ARL15: variants seen among roughly 807,000 people sequenced by gnomAD.
The protein encoded by ARL15 is ARF like GTPase 15.
A neutral mutation model predicts 25.2 loss-of-function variants in ARL15; 19 were observed. That is an observed-to-expected ratio of 0.75 (90% CI 0.53 to 1.10). The LOEUF (loss-of-function observed/expected upper bound fraction) is 1.10, where lower values mean the gene tolerates loss of function less well. Among genes scored for constraint, ARL15 ranks in the 50% least tolerant of loss-of-function variants. The probability of loss-of-function intolerance (pLI) is 0.00; values close to 1 mark genes in which losing one functional copy is unlikely to be tolerated. For synonymous variants in ARL15, 94 were observed against 86.8 expected (o/e 1.08, Z -0.46); for missense variants, 220 against 246.0 (o/e 0.89, Z 0.71).
intron 3 of ARL15, among the ~76,000 whole-genome samples, chr5:54,147,264 A>C (rs1191143082): frequency 6.6e-6 from 1 of 152,158 alleles, no homozygotes; most frequent in Non-Finnish European, 1.5e-5. Flanking sequence ...ATTCAGTATT[A>C]CATATCACAC....
intron 1 of ARL15, among the ~76,000 whole-genome samples, chr5:54,201,755 T>A (rs139737069): frequency 6.6e-6 from 1 of 152,330 alleles, no homozygotes; most frequent in African/African-American, 2.4e-5. Flanking sequence ...CCTATGGTGA[T>A]GGTCCTGAAT....
At chr5:54,155,967 T>A (rs535237976) in intron 2 of ARL15, among the ~76,000 whole-genome samples, 76 of 152,312 alleles carry the variant, frequency 5.0e-4, no homozygotes, top group African/African-American at 1.8e-3. Context: ...ATGTATAATT[T>A]TAAGATTAAA....
At chr5:54,098,297 C>A (rs537158551) in intron 4 of ARL15, among the ~76,000 whole-genome samples, 1 of 152,176 alleles carries the variant, frequency 6.6e-6, no homozygotes, top group South Asian at 2.1e-4. Context: ...CCTTTTCTGA[C>A]CTGTTGTGAA....
intron 4 of ARL15, among the ~76,000 whole-genome samples, chr5:53,972,578 G>A (rs1394895158): frequency 1.3e-5 from 2 of 151,538 alleles, no homozygotes; most frequent in Admixed American, 1.3e-4. Flanking sequence ...TTTTTTGTAC[G>A]TCAAAAACAG....
intron 4 of ARL15, among the ~76,000 whole-genome samples, chr5:54,040,412 T>G (rs1750301974): frequency 6.6e-6 from 1 of 152,096 alleles, no homozygotes; most frequent in Non-Finnish European, 1.5e-5. Flanking sequence ...ATCTTGAAAA[T>G]ACAACCATAA....
chr5:53,886,425 AGAGATG>A lies in ARL15; in HGVS notation c.*130_*135del. 1 of 884,274 alleles carries A rather than the reference AGAGATG, an allele frequency of 1.1e-6. No homozygotes were observed. The highest frequency in any genetic ancestry group is 1.9e-5 in the South Asian group (1 of 51,954). The allele number at this position is 884,274 out of a possible 1,614,324, so 54.8% of individuals were successfully genotyped here. ...ATCTACAGAATATTCACTTTAATAG[AGAGATG>A]AGAGTCTGAAATGACCAGAGGAAAA... On this transcript the variant is annotated 3_prime_UTR_variant, in exon 5 of 5. Transcript: ENST00000504924.
At chr5:53,888,737 G>T (rs1267356520) in intron 4 of ARL15, among the ~76,000 whole-genome samples, 1 of 152,198 alleles carries the variant, frequency 6.6e-6, no homozygotes, top group African/African-American at 2.4e-5. Context: ...GGGAAGAACT[G>T]CCAGTTAGCT....
chr5:54,137,088 G>C (rs1389413948), intron 3 of ARL15, among the ~76,000 whole-genome samples: 1 of 151,112 alleles, frequency 6.6e-6, no homozygotes, highest in Non-Finnish European at 1.5e-5. Flanking sequence ...AGGTCAGCAA[G>C]GCATAGTAAT....
chr5:53,982,296 A>G (rs1748146721), intron 4 of ARL15, among the ~76,000 whole-genome samples: 1 of 151,300 alleles, frequency 6.6e-6, no homozygotes, highest in Non-Finnish European at 1.5e-5. Context: ...TCAACCTGTC[A>G]TCTACATTAG....
chr5:54,210,595 G>A (rs1245981481), intron 1 of ARL15, among the ~76,000 whole-genome samples: 1 of 152,088 alleles, frequency 6.6e-6, no homozygotes, highest in East Asian at 1.9e-4. Context: ...AACTGTACAT[G>A]ACAAATCCTT....
At chr5:54,042,900 T>C (rs1434180084) in intron 4 of ARL15, among the ~76,000 whole-genome samples, 1 of 152,072 alleles carries the variant, frequency 6.6e-6, no homozygotes. Flanking sequence ...CTTTTTCATA[T>C]ATATAGATCA....
At chr5:53,971,974 T>G (rs987199660) in intron 4 of ARL15, among the ~76,000 whole-genome samples, 4 of 152,172 alleles carry the variant, frequency 2.6e-5, no homozygotes, top group Admixed American at 2.6e-4. Context: ...AATAGCATGG[T>G]ATTTGGGATT....
intron 1 of ARL15, among the ~76,000 whole-genome samples, chr5:54,220,542 T>A (rs1345161189): frequency 6.6e-6 from 1 of 152,220 alleles, no homozygotes; most frequent in Non-Finnish European, 1.5e-5. Flanking sequence ...TGGTCTTAAG[T>A]TAGAAACATT....
intron 4 of ARL15, among the ~76,000 whole-genome samples, chr5:54,055,940 G>A (rs1750856543): frequency 6.6e-6 from 1 of 151,994 alleles, no homozygotes; most frequent in Admixed American, 6.6e-5. Context: ...TGCATCTTTG[G>A]GTTCATGGCA....
chr5:54,245,769 G>A (rs1338669735), intron 1 of ARL15, among the ~76,000 whole-genome samples: 6 of 152,100 alleles, frequency 3.9e-5, no homozygotes. Flanking sequence ...TGTATTTATA[G>A]TAGAGCCGAG....
chr5:54,191,975 C>A (rs374135115), intron 1 of ARL15, among the ~76,000 whole-genome samples: 2 of 152,114 alleles, frequency 1.3e-5, no homozygotes, highest in East Asian at 3.9e-4. Context: ...CTTCCTCCCC[C>A]ACTCCTAATT....
intron 1 of ARL15, among the ~76,000 whole-genome samples, chr5:54,234,357 A>G (rs1252488523): frequency 6.6e-6 from 1 of 152,180 alleles, no homozygotes; most frequent in African/African-American, 2.4e-5. Flanking sequence ...AGAACATTAA[A>G]TATCAATACC....
intron 4 of ARL15, among the ~76,000 whole-genome samples, chr5:54,067,328 T>C (rs527756609): frequency 6.6e-6 from 1 of 152,220 alleles, no homozygotes; most frequent in Admixed American, 6.5e-5. Flanking sequence ...CTTACACTTG[T>C]ATAAATTCTG....
intron 4 of ARL15, among the ~76,000 whole-genome samples, chr5:53,913,834 T>C (rs1745540336): frequency 6.6e-6 from 1 of 152,212 alleles, no homozygotes; most frequent in African/African-American, 2.4e-5. Context: ...CTGTAGTCCC[T>C]TGGTTTTATC....
Sources: allele counts gnomAD v4.1 joint callset (sites outside exome capture counted in the v4.1 genomes callset), GRCh38; gene constraint gnomAD v4.1.1; transcripts MANE v1.5; gene names NCBI Gene and HGNC (gene_info 2026-07-23, HGNC 2026-07-21).